The following CTDSPL variants were observed in gnomAD, a reference collection of about 807,000 sequenced individuals.
The protein encoded by CTDSPL is CTD small phosphatase-like protein.
A neutral mutation model predicts 30.5 loss-of-function variants in CTDSPL; 8 were observed. The ratio of observed to expected loss-of-function variants is 0.26; its 90% CI spans 0.15 to 0.47. The LOEUF is 0.47. CTDSPL is among the 20% of genes least tolerant of loss of function. The pLI, the probability that CTDSPL is intolerant of heterozygous loss-of-function variation, is 0.99. For synonymous variants in CTDSPL, 110 were observed against 137.9 expected, an observed-to-expected ratio of 0.80 and a Z score of 1.42; for missense variants, 248 against 366.1, an observed-to-expected ratio of 0.68 and a Z score of 2.63.
chr3:37,965,013 A>T (rs1427349760), intron 4 of CTDSPL, among the ~76,000 whole-genome samples: 1 of 152,098 alleles, frequency 6.6e-6, no homozygotes, highest in Non-Finnish European at 1.5e-5. Flanking sequence ...TGTCAAGATG[A>T]CCAGAGTGCT....
Position 37,971,609 on chromosome 3 carries a change from A to G in CTDSPL, c.519+110A>G, listed in dbSNP as rs9856044. The G allele has an allele frequency of 8.5e-3, 8,168 of 964,166 alleles. 417 individuals carry two copies. The African/African-American group carries it at 0.11, about 13-fold the overall frequency. The allele number at this position is 964,166 out of a possible 1,614,324, so 59.7% of individuals were successfully genotyped here. ...TGTTTTGGTGGGGGAAGCCATTTCT[A>G]TGGTGACAGGTTCCCACCCCAGATG... On this transcript the variant is annotated intron_variant, in intron 6 of 7. Coordinates refer to ENST00000273179, the MANE Select transcript of CTDSPL (RefSeq NM_001008392.2).
At chr3:37,945,679 A>T (rs1452449822) in intron 1 of CTDSPL, among the ~76,000 whole-genome samples, 1 of 152,256 alleles carries the variant, frequency 6.6e-6, no homozygotes, top group Non-Finnish European at 1.5e-5. Flanking sequence ...TGAGGAAGAT[A>T]AAAACAGCCA....
chr3:37,863,400 TC>T (rs1697968790), intron 1 of CTDSPL, among the ~76,000 whole-genome samples: 1 of 152,220 alleles, frequency 6.6e-6, no homozygotes, highest in East Asian at 1.9e-4. Context: ...ACTTGGCGTG[TC>T]CCCCTCTCTT....
At chr3:37,897,299 T>C (rs911627703) in intron 1 of CTDSPL, among the ~76,000 whole-genome samples, 2 of 152,138 alleles carry the variant, frequency 1.3e-5, no homozygotes, top group Non-Finnish European at 2.9e-5. Flanking sequence ...ATGGGGGCTA[T>C]AGGGGGAAGC....
chr3:37,967,445 T>G (rs1699310285), intron 4 of CTDSPL, among the ~76,000 whole-genome samples: 1 of 152,224 alleles, frequency 6.6e-6, no homozygotes, highest in Non-Finnish European at 1.5e-5. Context: ...CAAGCAGCAC[T>G]GTCCTCGGAG....
intron 1 of CTDSPL, among the ~76,000 whole-genome samples, chr3:37,899,053 T>C (rs1698419997): frequency 1.3e-5 from 2 of 152,124 alleles, no homozygotes; most frequent in South Asian, 4.1e-4. Context: ...TCAGGTCATA[T>C]ATGGAGAGCC....
intron 1 of CTDSPL, among the ~76,000 whole-genome samples, chr3:37,881,455 G>A (rs1438332471): frequency 2.6e-5 from 4 of 152,220 alleles, no homozygotes; most frequent in Non-Finnish European, 1.5e-5. Flanking sequence ...CTTAAATGCA[G>A]CAGGTGGAAG....
chr3:37,916,516 A>G (rs1698649377), intron 1 of CTDSPL, among the ~76,000 whole-genome samples: 1 of 152,170 alleles, frequency 6.6e-6, no homozygotes, highest in Admixed American at 6.5e-5. Flanking sequence ...CTGCCCTTAT[A>G]AGAAGAGAAG....
intron 1 of CTDSPL, among the ~76,000 whole-genome samples, chr3:37,932,157 G>A (rs1391733401): frequency 6.6e-6 from 1 of 152,086 alleles, no homozygotes; most frequent in African/African-American, 2.4e-5. Flanking sequence ...TAAATATTTG[G>A]ATATTTGATT....
chr3:37,930,511 G>A (rs1347656860), intron 1 of CTDSPL, among the ~76,000 whole-genome samples: 2 of 151,942 alleles, frequency 1.3e-5, no homozygotes, highest in African/African-American at 2.4e-5. Context: ...GTCTTGCTGT[G>A]TTTCCCAGGC....
intron 1 of CTDSPL, among the ~76,000 whole-genome samples, chr3:37,881,278 C>T (rs766149328): frequency 6.6e-6 from 1 of 152,146 alleles, no homozygotes; most frequent in African/African-American, 2.4e-5. Flanking sequence ...CCTGTAATCC[C>T]AGCACTTTAG....
At chr3:37,959,618 T>G (rs1305841626) in intron 3 of CTDSPL, among the ~76,000 whole-genome samples, 1 of 152,244 alleles carries the variant, frequency 6.6e-6, no homozygotes, top group Non-Finnish European at 1.5e-5. Flanking sequence ...TGTTTTATAT[T>G]TCATTGATGG....
At chr3:37,874,478 T>C (rs908954659) in intron 1 of CTDSPL, among the ~76,000 whole-genome samples, 1 of 152,114 alleles carries the variant, frequency 6.6e-6, no homozygotes, top group Non-Finnish European at 1.5e-5. Flanking sequence ...ATGCCTGTAA[T>C]CCCAGCCCTT....
chr3:37,974,080 A>T (rs971094066), intron 6 of CTDSPL, among the ~76,000 whole-genome samples: 5 of 152,164 alleles, frequency 3.3e-5, no homozygotes, highest in African/African-American at 1.2e-4. Context: ...ATTGTTAGTG[A>T]TAGTGTATTT....
At chr3:37,921,480 T>C (rs1698713898) in intron 1 of CTDSPL, among the ~76,000 whole-genome samples, 1 of 152,186 alleles carries the variant, frequency 6.6e-6, no homozygotes, top group Non-Finnish European at 1.5e-5. Flanking sequence ...TGTATCTGTC[T>C]CCTCCCCCTA....
At chr3:37,876,044 A>T (rs1215588442) in intron 1 of CTDSPL, among the ~76,000 whole-genome samples, 1 of 151,962 alleles carries the variant, frequency 6.6e-6, no homozygotes, top group African/African-American at 2.4e-5. Context: ...GGAGTTAGAG[A>T]CCAGCCTGGA....
intron 1 of CTDSPL, among the ~76,000 whole-genome samples, chr3:37,902,407 G>A (rs1698460633): frequency 6.6e-6 from 1 of 151,782 alleles, no homozygotes; most frequent in Non-Finnish European, 1.5e-5. Context: ...AGGGAAACTT[G>A]GTATGGGTCA....
At chr3:37,967,986 C>T (rs776113000) in intron 5 of CTDSPL, 104 bp downstream of exon 5, 29 of 804,466 alleles carry the variant, frequency 3.6e-5, no homozygotes, top group African/African-American at 2.1e-4. Flanking sequence ...AACTTTATTA[C>T]GGAATCAAAA....
At chr3:37,923,719 G>A (rs556403709) in intron 1 of CTDSPL, among the ~76,000 whole-genome samples, 4 of 151,950 alleles carry the variant, frequency 2.6e-5, no homozygotes, top group South Asian at 2.1e-4. Context: ...ACATTTTAAC[G>A]TGCATATTTC....
Sources: allele counts gnomAD v4.1 joint callset (sites outside exome capture counted in the v4.1 genomes callset), GRCh38; gene constraint gnomAD v4.1.1; transcripts MANE v1.5; gene names NCBI Gene and HGNC (gene_info 2026-07-23, HGNC 2026-07-21).